CCNF: variants seen among roughly 807,000 people sequenced by gnomAD.
CCNF encodes cyclin F, also known as cyclin-F.
In CCNF, 30 loss-of-function variants were observed where a neutral mutation model predicts 85.4. That is an observed-to-expected ratio of 0.35 (90% CI 0.26 to 0.48). The LOEUF is 0.48. CCNF is among the 20% of genes least tolerant of loss of function. The pLI, the probability that CCNF is intolerant of heterozygous loss-of-function variation, is 0.99. For missense variants in CCNF, 919 were observed against 1,010.4 expected (o/e 0.91, Z 1.23); for synonymous variants, 439 against 425.1 (o/e 1.03, Z -0.40).
In CCNF at chr16:2,450,336, T is replaced by TA. The variant is rs869044588; in HGVS notation, c.1487+446dup. On this transcript the variant is annotated intron_variant, in intron 13 of 16. Transcript: ENST00000397066. ...CAACGTGGCAAAACCCTGTCTCTAC[T>TA]AAAAAAAAAAAAAAAAAAAAAAAAA... Among the ~76,000 whole-genome samples the TA allele has an allele frequency of 7.6e-3, 500 of 65,910 alleles. 13 individuals are homozygous for TA. The highest frequency in any genetic ancestry group is 0.022 in the African/African-American group (314 of 14,052). The allele number at this position is 65,910 out of a possible 152,430, so 43.2% of individuals were successfully genotyped here. A position where few individuals can be genotyped will look rare whatever the true frequency, so the allele number is the denominator to read the frequency against.
chr16:2,454,433 GCCTGGC>G lies in CCNF; in HGVS notation c.1715+907_1715+912del, dbSNP rs575954456. ...ATACGCACGGCTACTCCAGGAGGGG[GCCTGGC>G]CCTGGCCCTGTGCTCAGCCTCGCTG... On this transcript the variant is annotated intron_variant, in intron 15 of 16. Coordinates refer to ENST00000397066, the MANE Select transcript of CCNF (RefSeq NM_001761.3). 7.9e-5 allele frequency among the ~76,000 whole-genome samples: 12 copies of G among 152,304 alleles called. 2 individuals are homozygous for G. In the South Asian group the frequency reaches 1.7e-3, roughly 21 times the overall value.
chr16:2,443,557 T>A, intron 8 of CCNF, 92 bp from the exon 9 acceptor site: 1 of 1,283,588 alleles, frequency 7.8e-7, no homozygotes, highest in Non-Finnish European at 1.1e-6. Flanking sequence ...TGTGTCCACA[T>A]GCATTTGGTG....
chr16:2,431,412 C>G (rs1596913102), intron 2 of CCNF, 128 bp downstream of exon 2: 1 of 961,160 alleles, frequency 1.0e-6, no homozygotes. Flanking sequence ...GGCACGGTGG[C>G]TCATGCCTTA....
At chr16:2,437,903 T>TAAAA (rs34068510) in intron 5 of CCNF, 167 bp from the exon 6 acceptor site, 59 of 410,382 alleles carry the variant, frequency 1.4e-4, no homozygotes, top group East Asian at 2.1e-4. Context: ...TGTTTCCCTT[T>TAAAA]AAAAAAAAAA....
chr16:2,435,584 C>CAG, intron 3 of CCNF, among the ~76,000 whole-genome samples: 1 of 58,296 alleles, frequency 1.7e-5, no homozygotes, highest in South Asian at 5.2e-4. Flanking sequence ...GACCCTGTCT[C>CAG]AGAGAGAGAG....
chr16:2,449,239 G>A (rs781247687), intron 11 of CCNF, 43 bp from the exon 12 acceptor site: 6 of 1,603,840 alleles, frequency 3.7e-6, no homozygotes, highest in Admixed American at 1.7e-5. Context: ...GCACCAAGGA[G>A]CCCCCGAGCG....
intron 15 of CCNF, among the ~76,000 whole-genome samples, chr16:2,455,038 C>T (rs1178578134): frequency 3.0e-5 from 4 of 133,508 alleles, no homozygotes; most frequent in Non-Finnish European, 4.6e-5. Flanking sequence ...CTAGCCTGGG[C>T]GACAGAGCAA....
Position 2,437,123 on chromosome 16 carries a change from C to G in CCNF, c.347-6C>G, listed in dbSNP as rs201108509. The G allele has an allele frequency of 7.9e-5, 125 of 1,579,770 alleles. No individual in the cohort carries two copies. In the African/African-American group the frequency reaches 1.4e-3, roughly 18 times the overall value. Reference sequence around the variant, plus strand: ...TCCCTGGGCTCTGTCCTGTCTGTCCCCGCAGTGTCTGTGTCTGATGAGGCC... The same window carrying G: ...TCCCTGGGCTCTGTCCTGTCTGTCCGCGCAGTGTCTGTGTCTGATGAGGCC... On this transcript the variant is annotated splice_polypyrimidine_tract_variant and splice_region_variant and intron_variant, in intron 4 of 16. Transcript: ENST00000397066.
At chr16:2,455,050 A>G (rs1183743089) in intron 15 of CCNF, among the ~76,000 whole-genome samples, 3 of 146,380 alleles carry the variant, frequency 2.0e-5, no homozygotes, top group African/African-American at 7.7e-5. Context: ...ACAGAGCAAG[A>G]ACACCTCAAA....
In CCNF at chr16:2,453,541, A is replaced by T. The variant is rs749544406; in HGVS notation, c.1715+4A>T. On this transcript the variant is annotated splice_donor_region_variant and intron_variant, in intron 15 of 16. Coordinates refer to ENST00000397066, the MANE Select transcript of CCNF (RefSeq NM_001761.3). This position sits in a 1 kb window ranked among gnomAD's most constrained non-coding sequence, Gnocchi z 5.6. The stretch of plus-strand genomic sequence containing the variant: ...CCTCGGGGCGGAGAACCAAACGGTT[A>T]GTTACCCTGCGTTCTGGCTGCGCCA... The T allele has an allele frequency of 1.2e-6, 2 of 1,613,922 alleles. No homozygotes were observed. Among genetic ancestry groups the T allele is most frequent in the Non-Finnish European group, 1.7e-6 (2 of 1,179,988 alleles).
intron 11 of CCNF, 112 bp from the exon 12 acceptor site, chr16:2,449,170 G>T: frequency 6.9e-7 from 1 of 1,454,864 alleles, no homozygotes. Flanking sequence ...CGCTACGCGT[G>T]CAGCATCGGC....
Position 2,453,392 on chromosome 16 carries a change from A to T in CCNF, c.1588-18A>T. 1.2e-6 allele frequency: 2 copies of T among 1,613,790 alleles called. No individual in the cohort carries two copies. Among genetic ancestry groups the T allele is most frequent in the Non-Finnish European group, 1.7e-6 (2 of 1,179,954 alleles). On this transcript the variant is annotated intron_variant, in intron 14 of 16. Transcript: ENST00000397066. This position sits in a 1 kb window ranked among gnomAD's most constrained non-coding sequence, Gnocchi z 5.6. ...ACCCTCGGGGCCTCTGCACCCCCTA[A>T]CTCTAGCTTCCCCTCAGGTGCTGAG...
intron 5 of CCNF, 137 bp from the exon 6 acceptor site, chr16:2,437,933 T>A: frequency 1.8e-6 from 1 of 566,252 alleles, no homozygotes. Flanking sequence ...GACTGAAATC[T>A]GGGAGTGGCC....
Position 2,441,955 on chromosome 16 carries a change from A to C in CCNF, c.778-1694A>C, listed in dbSNP as rs1394207742. Reference sequence around the variant, plus strand: ...TAGCAAATTATATATATATATATATATATATATATATATATATATATATAT... The same window carrying C: ...TAGCAAATTATATATATATATATATCTATATATATATATATATATATATAT... On this transcript the variant is annotated intron_variant, in intron 8 of 16. Transcript: ENST00000397066. Among the ~76,000 whole-genome samples, 3 of 101,560 alleles carry C rather than the reference A, an allele frequency of 3.0e-5. No individual in the cohort carries two copies. In the East Asian group the frequency reaches 8.0e-4, roughly 27 times the overall value. The allele number at this position is 101,560 out of a possible 152,430, so 66.6% of individuals were successfully genotyped here. A position where few individuals can be genotyped will look rare whatever the true frequency, so the allele number is the denominator to read the frequency against.
intron 6 of CCNF, among the ~76,000 whole-genome samples, chr16:2,439,036 G>C (rs2065307013): frequency 6.6e-6 from 1 of 151,510 alleles, no homozygotes. Flanking sequence ...AGTGGCTCAT[G>C]CCTGTAATCC....
In CCNF at chr16:2,456,781, G is replaced by T. The variant is rs754766175; in HGVS notation, c.2122G>T (p.Ala708Ser). 1 of 1,613,506 alleles carries T rather than the reference G, an allele frequency of 6.2e-7. No individual in the cohort carries two copies. Among genetic ancestry groups the T allele is most frequent in the Non-Finnish European group, 8.5e-7 (1 of 1,179,754 alleles). Residue 708 changes from alanine to serine, a missense_variant, in exon 17 of 17, where the codon GCA becomes TCA. Ala to Ser is a moderately conservative substitution (Grantham distance 99, BLOSUM62 1). Transcript: ENST00000397066. This position sits in a 1 kb window ranked among gnomAD's most constrained non-coding sequence, Gnocchi z 4.5. ...CTCAGGGTACTCCTCCGTCAGCACC[G>T]CAAGTCCCACAAGCTCCGTGGACGG... ...TTSGYSSVST[A>S]SPTSSVDGGL...
chr16:2,439,570 G>C (rs371643212), intron 7 of CCNF, 113 bp downstream of exon 7: 1 of 929,308 alleles, frequency 1.1e-6, no homozygotes, highest in Non-Finnish European at 1.7e-6. Context: ...TGCTGCTCCC[G>C]GTCTCTCAGC....
At position 2,451,729 on chromosome 16, in the gene CCNF, C is replaced by T. The variant is rs1014106924; in HGVS notation, c.1488-1481C>T. ...AGCAGGCCTGGGTGCTTTTCTCCAG[C>T]CAGCATTACGCTGACCCTCCCTCCC... On this transcript the variant is annotated intron_variant, in intron 13 of 16. Transcript: ENST00000397066. The surrounding 1 kb of genome is among the most constrained non-coding windows in gnomAD (Gnocchi z 4.3). Among the ~76,000 whole-genome samples the T allele has an allele frequency of 6.6e-6, 1 of 152,184 alleles. No homozygotes were observed. The highest frequency in any genetic ancestry group is 1.5e-5 in the Non-Finnish European group (1 of 68,026).
At chr16:2,433,270 G>T (rs961318179) in intron 3 of CCNF, among the ~76,000 whole-genome samples, 2 of 152,208 alleles carry the variant, frequency 1.3e-5, no homozygotes, top group Non-Finnish European at 2.9e-5. Context: ...AGGCTATGCA[G>T]TCAGTCATCC....
Sources: gnomAD v4.1 joint callset for allele counts (sites outside exome capture counted in the v4.1 genomes callset) on GRCh38, gnomAD v4.1.1 for gene constraint, Gnocchi (gnomAD v3.1) non-coding constraint, MANE v1.5 for transcripts, NCBI Gene and HGNC (gene_info 2026-07-23, HGNC 2026-07-21) for gene names.